The following SCUBE3 variants were observed in gnomAD, a reference collection of about 807,000 sequenced individuals.
SCUBE3 encodes the protein signal peptide, CUB and EGF-like domain-containing protein 3.
Under a neutral mutation model 116.8 loss-of-function variants are expected in SCUBE3, and 33 were observed. The ratio of observed to expected loss-of-function variants is 0.28; its 90% CI spans 0.21 to 0.38. The LOEUF (loss-of-function observed/expected upper bound fraction) is 0.38. Ranked by LOEUF, SCUBE3 falls within the 10% of genes least tolerant of loss-of-function variation. SCUBE3 has a pLI of 1.00. For synonymous variants in SCUBE3, 418 were observed against 496.9 expected, an observed-to-expected ratio of 0.84 and a Z score of 2.11; for missense variants, 1,007 against 1,324.8, an observed-to-expected ratio of 0.76 and a Z score of 3.72.
In SCUBE3 at chr6:35,243,002, C is replaced by CA. The variant is rs540957370; in HGVS notation, c.1694-18dup. 598 of 1,610,706 alleles carry CA rather than the reference C, an allele frequency of 3.7e-4. 7 individuals carry two copies. In the South Asian group the frequency reaches 5.0e-3, roughly 13 times the overall value. On this transcript the variant is annotated intron_variant, in intron 14 of 21. Coordinates refer to ENST00000274938, the MANE Select transcript of SCUBE3 (RefSeq NM_152753.4). The surrounding 1 kb of genome is among the most constrained non-coding windows in gnomAD (Gnocchi z 6.6). Reference sequence around the variant, plus strand: ...GCAACTCTTTCTCCTCCCTGATACACACGGCCATCCACCACCAGCCAGCTG... The same window carrying CA: ...GCAACTCTTTCTCCTCCCTGATACACAACGGCCATCCACCACCAGCCAGCTG...
rs147144061 is a variant in SCUBE3 at position 35,237,924 on chromosome 6, G to C, written c.735G>C (p.Gly245=). 1 of 1,611,526 alleles carries C rather than the reference G, an allele frequency of 6.2e-7. No individual in the cohort carries two copies. Among genetic ancestry groups the C allele is most frequent in the Non-Finnish European group, 8.5e-7 (1 of 1,177,776 alleles). The part of the protein sequence containing the change: ...TCIETCAVNN[G]GCDSKCHDAA... ...CAGAGACCTGTGCTGTCAACAACGG[G>C]GGCTGTGACAGTAAGTGCCATGATG... The change falls in exon 7 of 22, where the codon GGG becomes GGC. Residue 245 remains glycine, a synonymous_variant. Transcript: ENST00000274938.
At chr6:35,217,253 C>T (rs1467627855) in intron 1 of SCUBE3, among the ~76,000 whole-genome samples, 1 of 1,550 alleles carries the variant, frequency 6.5e-4, no homozygotes, top group Non-Finnish European at 1.3e-3. Context: ...GGAGGCGCGG[C>T]GGGGGGGGGG....
rs1783036856 is a variant in SCUBE3, at chr6:35,219,234, T to C, written c.85+4731T>C. On this transcript the variant is annotated intron_variant, in intron 1 of 21. Coordinates refer to ENST00000274938, the MANE Select transcript of SCUBE3 (RefSeq NM_152753.4). This position sits in a 1 kb window ranked among gnomAD's most constrained non-coding sequence, Gnocchi z 4.7. ...CCTGAAGAACACATGTGTGTTTCTATATGTGTGTATCCAACAAAGTTGGGA... is the reference window on the plus strand; with the variant it reads ...CCTGAAGAACACATGTGTGTTTCTACATGTGTGTATCCAACAAAGTTGGGA... 6.6e-6 allele frequency among the ~76,000 whole-genome samples: 1 copy of C among 152,204 alleles called. No homozygotes were observed. Among genetic ancestry groups the C allele is most frequent in the Admixed American group, 6.5e-5 (1 of 15,280 alleles).
chr6:35,247,263 C>T (rs1450073558), intron 21 of SCUBE3, among the ~76,000 whole-genome samples: 2 of 151,738 alleles, frequency 1.3e-5, no homozygotes, highest in Non-Finnish European at 2.9e-5. Context: ...AGTGAAACCC[C>T]GTCTTTACTA....
rs1032801541 is a variant in SCUBE3 at position 35,226,841 on chromosome 6, G to A, written c.86-739G>A. ...GATGGTGAGTGGCCTCTTCCTTCAA[G>A]TATAGCTGTGTGTGTAGCACCTATT... On this transcript the variant is annotated intron_variant, in intron 1 of 21. Transcript: ENST00000274938. 4.6e-5 allele frequency among the ~76,000 whole-genome samples: 7 copies of A among 152,112 alleles called. No individual in the cohort carries two copies. In the East Asian group the frequency reaches 1.3e-3, roughly 29 times the overall value.
In SCUBE3 at chr6:35,243,936, C is replaced by T; in HGVS notation, c.2072-27C>T. 1.2e-6 allele frequency: 2 copies of T among 1,607,962 alleles called. No homozygotes were observed. The highest frequency in any genetic ancestry group is 1.7e-6 in the Non-Finnish European group (2 of 1,176,130). On this transcript the variant is annotated intron_variant, in intron 16 of 21. Coordinates refer to ENST00000274938, the MANE Select transcript of SCUBE3 (RefSeq NM_152753.4). This position sits in a 1 kb window ranked among gnomAD's most constrained non-coding sequence, Gnocchi z 6.6. ...GGGGATGACTCAGGACCATCCCCATCAGAGTTGGGCCCTTGATTCATTGCA... is the reference window on the plus strand; with the variant it reads ...GGGGATGACTCAGGACCATCCCCATTAGAGTTGGGCCCTTGATTCATTGCA...
chr6:35,230,123 T>C (rs2150295896), intron 3 of SCUBE3, among the ~76,000 whole-genome samples: 1 of 152,204 alleles, frequency 6.6e-6, no homozygotes, highest in Non-Finnish European at 1.5e-5. Flanking sequence ...CCTGGTCACC[T>C]CTCCTACCAT....
rs1421124617 is a variant in SCUBE3, at chr6:35,250,400, C to A, written c.*1695C>A. ...CATACCACCTGGGGATGGGCTGACT[C>A]AGGGTCCCGAGGCCAGAGACAAAGC... On this transcript the variant is annotated 3_prime_UTR_variant, in exon 22 of 22. Coordinates refer to ENST00000274938, the MANE Select transcript of SCUBE3 (RefSeq NM_152753.4). The A allele has an allele frequency of 6.6e-6, 1 of 152,204 alleles. No individual in the cohort carries two copies. Among genetic ancestry groups the A allele is most frequent in the East Asian group, 1.9e-4 (1 of 5,200 alleles). The allele number at this position is 152,204 out of a possible 1,614,324, so 9.4% of individuals were successfully genotyped here.
Position 35,245,497 on chromosome 6 carries a change from A to G in SCUBE3, c.2599+72A>G. The stretch of plus-strand genomic sequence containing the variant: ...GTTAAGGCGGAGAACAAAGAGAGAG[A>G]CTGATACAGGAAGAAATGGGGCAGT... On this transcript the variant is annotated intron_variant, in intron 19 of 21. Coordinates refer to ENST00000274938, the MANE Select transcript of SCUBE3 (RefSeq NM_152753.4). The surrounding 1 kb of genome is among the most constrained non-coding windows in gnomAD (Gnocchi z 4.2). 7.8e-7 allele frequency: 1 copy of G among 1,278,542 alleles called. No individual in the cohort carries two copies. The highest frequency in any genetic ancestry group is 1.1e-6 in the Non-Finnish European group (1 of 878,382). 79.2% of individuals were successfully genotyped at this position (1,278,542 alleles called of 1,614,324 possible). A position where few individuals can be genotyped will look rare whatever the true frequency, so the allele number is the denominator to read the frequency against.
Position 35,244,861 on chromosome 6 carries a change from A to G in SCUBE3, c.2401+50A>G, listed in dbSNP as rs1262301662. ...AAAGGGAGGAGAGAGGCCTGGGAGC[A>G]GTGGACATCTAAAGGAGGGGTGTGA... is the stretch of plus-strand genomic sequence containing the variant. On this transcript the variant is annotated intron_variant, in intron 18 of 21. Transcript: ENST00000274938. This position sits in a 1 kb window ranked among gnomAD's most constrained non-coding sequence, Gnocchi z 4.3. The G allele has an allele frequency of 1.3e-6, 2 of 1,581,444 alleles. No homozygotes were observed. Among genetic ancestry groups the G allele is most frequent in the East Asian group, 2.2e-5 (1 of 44,698 alleles).
chr6:35,249,082 C>T lies in SCUBE3; in HGVS notation c.*377C>T, dbSNP rs946884558. 3.4e-5 allele frequency: 6 copies of T among 178,160 alleles called. No homozygotes were observed. The highest frequency in any genetic ancestry group is 7.2e-5 in the African/African-American group (3 of 41,936). The allele number at this position is 178,160 out of a possible 1,614,324, so 11.0% of individuals were successfully genotyped here. ...TCAAGGAAGTGGGTCTGGTGGGAAA[C>T]GGGGAGGGGAAAGAAGGGCTTCTGC... On this transcript the variant is annotated 3_prime_UTR_variant, in exon 22 of 22. Coordinates refer to ENST00000274938, the MANE Select transcript of SCUBE3 (RefSeq NM_152753.4).
intron 6 of SCUBE3, among the ~76,000 whole-genome samples, chr6:35,236,261 G>T (rs1031678146): frequency 6.6e-6 from 1 of 152,154 alleles, no homozygotes; most frequent in Admixed American, 6.6e-5. Flanking sequence ...GCCCCACCCT[G>T]CTCTCAAGAA....
At position 35,243,828 on chromosome 6, in the gene SCUBE3, A is replaced by G; in HGVS notation, c.2071+73A>G. 2.6e-6 allele frequency: 4 copies of G among 1,561,738 alleles called. No homozygotes were observed. Among genetic ancestry groups the G allele is most frequent in the Admixed American group, 1.7e-5 (1 of 58,598 alleles). ...ATGCCCATGGGCATGGGATTTCCCA[A>G]AGGGCAGGCCCAGGCTCCAGGCCAC... On this transcript the variant is annotated intron_variant, in intron 16 of 21. Transcript: ENST00000274938. This position sits in a 1 kb window ranked among gnomAD's most constrained non-coding sequence, Gnocchi z 6.6.
intron 1 of SCUBE3, among the ~76,000 whole-genome samples, chr6:35,218,823 C>T (rs990403966): frequency 1.3e-5 from 2 of 152,162 alleles, no homozygotes; most frequent in Admixed American, 6.5e-5. Context: ...CCACCCAATG[C>T]CAGCCTCAAG....
Position 35,227,658 on chromosome 6 carries a change from G to C in SCUBE3, c.164G>C (p.Cys55Ser). Residue 55 changes from cysteine to serine, a missense_variant, in exon 2 of 22, where the codon TGC (cysteine) becomes TCC (serine). By Grantham distance (112) the Cys-to-Ser change is moderately radical. Transcript: ENST00000274938. ...ICQNTPRSYK[C>S]ICKSGYTGDG... ...CAGAACACCCCGAGGTCATACAAGT[G>C]CATCTGCAAGTCTGGCTACACAGGG... The C allele has an allele frequency of 6.2e-7, 1 of 1,614,152 alleles. No individual in the cohort carries two copies. Among genetic ancestry groups the C allele is most frequent in the Non-Finnish European group, 8.5e-7 (1 of 1,180,002 alleles).
In SCUBE3 at chr6:35,233,617, T is replaced by G. The variant is rs1036439140; in HGVS notation, c.712+316T>G. 2.6e-5 allele frequency among the ~76,000 whole-genome samples: 4 copies of G among 152,218 alleles called. No individual in the cohort carries two copies. The highest frequency in any genetic ancestry group is 9.6e-5 in the African/African-American group (4 of 41,458). ...AGCAGAGTTGCTTATTGACCAAGGCTGTAGTTGAGAAGTGGGAAGAGATCT... is the reference window on the plus strand; with the variant it reads ...AGCAGAGTTGCTTATTGACCAAGGCGGTAGTTGAGAAGTGGGAAGAGATCT... On this transcript the variant is annotated intron_variant, in intron 6 of 21. Transcript: ENST00000274938. This position sits in a 1 kb window ranked among gnomAD's most constrained non-coding sequence, Gnocchi z 5.7.
In SCUBE3 at chr6:35,235,537, G is replaced by A. The variant is rs1386983487; in HGVS notation, c.712+2236G>A. 5 of 1,160,510 alleles carry A rather than the reference G, an allele frequency of 4.3e-6. No homozygotes were observed. 71.9% of individuals were successfully genotyped at this position (1,160,510 alleles called of 1,614,324 possible). A position where few individuals can be genotyped will look rare whatever the true frequency, so the allele number is the denominator to read the frequency against. On this transcript the variant is annotated intron_variant, in intron 6 of 21. Coordinates refer to ENST00000274938, the MANE Select transcript of SCUBE3 (RefSeq NM_152753.4). This position sits in a 1 kb window ranked among gnomAD's most constrained non-coding sequence, Gnocchi z 4.5. The stretch of plus-strand genomic sequence containing the variant: ...TCCGCTTGCTCTCACTGGCTTGCTA[G>A]GGGAAGGGCTAACCCGCTGGGGCTC...
chr6:35,233,034 G>A lies in SCUBE3; in HGVS notation c.595+59G>A. On this transcript the variant is annotated intron_variant, in intron 5 of 21. Transcript: ENST00000274938. The surrounding 1 kb of genome is among the most constrained non-coding windows in gnomAD (Gnocchi z 5.7). The stretch of plus-strand genomic sequence containing the variant: ...GGTCGGGGGTGAAAACATAGAGGAA[G>A]GGTATAGGGCTTCAGGAGCAAGAGG... 6.3e-7 allele frequency: 1 copy of A among 1,598,268 alleles called. No individual in the cohort carries two copies. Among genetic ancestry groups the A allele is most frequent in the Non-Finnish European group, 8.6e-7 (1 of 1,167,676 alleles).
chr6:35,243,850 C>A lies in SCUBE3; in HGVS notation c.2071+95C>A. 1 of 1,533,738 alleles carries A rather than the reference C, an allele frequency of 6.5e-7. No homozygotes were observed. Among genetic ancestry groups the A allele is most frequent in the Non-Finnish European group, 8.9e-7 (1 of 1,119,530 alleles). On this transcript the variant is annotated intron_variant, in intron 16 of 21. Coordinates refer to ENST00000274938, the MANE Select transcript of SCUBE3 (RefSeq NM_152753.4). The surrounding 1 kb of genome is among the most constrained non-coding windows in gnomAD (Gnocchi z 6.6). ...CCAAAGGGCAGGCCCAGGCTCCAGG[C>A]CACTCTCTTAGTCAACATCCTGTTT... is the stretch of plus-strand genomic sequence containing the variant.
Sources: gnomAD v4.1 joint callset for allele counts (sites outside exome capture counted in the v4.1 genomes callset) on GRCh38, gnomAD v4.1.1 for gene constraint, Gnocchi (gnomAD v3.1) non-coding constraint, MANE v1.5 for transcripts, NCBI Gene and HGNC (gene_info 2026-07-23, HGNC 2026-07-21) for gene names.